Variants in AFG2A observed in about 807,000 individuals in gnomAD.
AFG2A encodes the protein AAA ATPase AFG2A.
the AFG2A span, among the ~76,000 whole-genome samples, chr4:123,016,878 G>A: frequency 8.5e-5 from 13 of 152,280 alleles, no homozygotes; most frequent in African/African-American, 2.2e-4. Context: ...CCGGCACCTC[G>A]GGACGCCGAG....
chr4:122,970,555 A>G, the AFG2A span, among the ~76,000 whole-genome samples: 1 of 146,394 alleles, frequency 6.8e-6, no homozygotes, highest in Non-Finnish European at 1.5e-5. Context: ...AATCTTTTAT[A>G]CTGTATTTTT....
At chr4:123,272,987 G>A in the AFG2A span, among the ~76,000 whole-genome samples, 101 of 152,220 alleles carry the variant, frequency 6.6e-4, 1 homozygote, top group South Asian at 7.3e-3. Context: ...AATGAAGGAA[G>A]ATCACAGAGG....
At chr4:123,252,102 A>C in the AFG2A span, among the ~76,000 whole-genome samples, 2 of 152,156 alleles carry the variant, frequency 1.3e-5, no homozygotes, top group African/African-American at 4.8e-5. Context: ...ATTACCCATT[A>C]ATATAATTTC....
chr4:122,925,378 A>G, the AFG2A span, among the ~76,000 whole-genome samples: 1 of 152,094 alleles, frequency 6.6e-6, no homozygotes, highest in Admixed American at 6.6e-5. Context: ...TCTTGTCATG[A>G]CATTGCTTTT....
chr4:123,088,820 T>C, the AFG2A span, among the ~76,000 whole-genome samples: 1 of 152,192 alleles, frequency 6.6e-6, no homozygotes, highest in Non-Finnish European at 1.5e-5. Flanking sequence ...TGCTTGCTGT[T>C]AAGTGGAACT....
the AFG2A span, among the ~76,000 whole-genome samples, chr4:123,299,649 T>TA: frequency 1.5e-4 from 23 of 152,354 alleles, no homozygotes; most frequent in African/African-American, 5.0e-4. Context: ...TTTCCAATGA[T>TA]ACTTTGTTTG....
At chr4:123,090,120 C>T in the AFG2A span, among the ~76,000 whole-genome samples, 3 of 152,064 alleles carry the variant, frequency 2.0e-5, no homozygotes, top group Non-Finnish European at 4.4e-5. Context: ...CAGAAATATC[C>T]TAGTTGCTGT....
the AFG2A span, chr4:122,934,008 C>T: frequency 1.5e-6 from 2 of 1,371,640 alleles, no homozygotes; most frequent in Admixed American, 2.4e-5. Flanking sequence ...TTAGTCTTTT[C>T]AGATAATAGA....
the AFG2A span, among the ~76,000 whole-genome samples, chr4:123,027,180 A>G: frequency 1.3e-5 from 2 of 152,116 alleles, no homozygotes; most frequent in South Asian, 2.1e-4. Flanking sequence ...TGTCAGAGAA[A>G]TCTTCCAGAA....
chr4:123,232,807 T>G, the AFG2A span, among the ~76,000 whole-genome samples: 1 of 152,150 alleles, frequency 6.6e-6, no homozygotes, highest in Admixed American at 6.6e-5. Context: ...AGATTGCTCT[T>G]AGATAAGAAG....
At chr4:123,221,607 A>C in the AFG2A span, among the ~76,000 whole-genome samples, 1 of 152,120 alleles carries the variant, frequency 6.6e-6, no homozygotes, top group Admixed American at 6.6e-5. Flanking sequence ...TTTTTTAAAA[A>C]CCTTTAAAAT....
chr4:123,068,914 G>A, the AFG2A span, among the ~76,000 whole-genome samples: 1 of 152,020 alleles, frequency 6.6e-6, no homozygotes, highest in Admixed American at 6.6e-5. Context: ...GTTTATAGAA[G>A]CATCATCATC....
At chr4:123,280,621 A>G in the AFG2A span, among the ~76,000 whole-genome samples, 1 of 152,142 alleles carries the variant, frequency 6.6e-6, no homozygotes, top group South Asian at 2.1e-4. Flanking sequence ...CTTTTCCTCC[A>G]TCTTCAAAGC....
At chr4:123,018,565 A>G in the AFG2A span, among the ~76,000 whole-genome samples, 1 of 152,054 alleles carries the variant, frequency 6.6e-6, no homozygotes, top group Non-Finnish European at 1.5e-5. Flanking sequence ...ATTTCATGGT[A>G]GTGTTTATCC....
chr4:122,932,002 C>T, the AFG2A span, among the ~76,000 whole-genome samples: 1 of 152,150 alleles, frequency 6.6e-6, no homozygotes, highest in African/African-American at 2.4e-5. Flanking sequence ...CGCAGTGGCT[C>T]ACGCCTGTAA....
At chr4:123,118,315 T>TATATATTATATATA in the AFG2A span, among the ~76,000 whole-genome samples, 1 of 7,816 alleles carries the variant, frequency 1.3e-4, no homozygotes. Flanking sequence ...GTATATATAA[T>TATATATTATATATA]ATATATTATA....
the AFG2A span, among the ~76,000 whole-genome samples, chr4:123,101,881 A>C: frequency 2.0e-5 from 3 of 151,944 alleles, no homozygotes; most frequent in Non-Finnish European, 4.4e-5. Flanking sequence ...AACTAACAGA[A>C]ACAAGCAATG....
the AFG2A span, among the ~76,000 whole-genome samples, chr4:122,996,127 G>A: frequency 5.3e-5 from 8 of 152,090 alleles, no homozygotes; most frequent in Non-Finnish European, 1.2e-4. Flanking sequence ...TTTTCCACTT[G>A]CATCTCACTT....
chr4:123,014,627 A>G, the AFG2A span, among the ~76,000 whole-genome samples: 2 of 152,178 alleles, frequency 1.3e-5, no homozygotes, highest in Non-Finnish European at 2.9e-5. Flanking sequence ...TTGAGCTAAG[A>G]TTTTAATATA....
Sources: allele counts gnomAD v4.1 joint callset (sites outside exome capture counted in the v4.1 genomes callset), GRCh38; gene constraint gnomAD v4.1.1; transcripts MANE v1.5; gene names NCBI Gene and HGNC (gene_info 2026-07-23, HGNC 2026-07-21).